Variants in MYT1 observed in about 807,000 individuals in gnomAD.
MYT1 encodes myelin transcription factor I.
In MYT1, 23 loss-of-function variants were observed where a neutral mutation model predicts 123.0. That is an observed-to-expected ratio of 0.19 (90% CI 0.13 to 0.26). The LOEUF (loss-of-function observed/expected upper bound fraction) is 0.26, where lower values mean the gene tolerates loss of function less well. Among genes scored for constraint, MYT1 ranks in the 10% least tolerant of loss-of-function variants. The pLI, the probability that MYT1 is intolerant of heterozygous loss-of-function variation, is 1.00. For synonymous variants in MYT1, 518 were observed against 575.3 expected (o/e 0.90, Z 1.43); for missense variants, 1,125 against 1,472.5 (o/e 0.76, Z 3.86).
intron 1 of MYT1, among the ~76,000 whole-genome samples, chr20:64,177,845 TTCCAAGC>T (rs1482559567): frequency 6.6e-6 from 1 of 152,196 alleles, no homozygotes; most frequent in Non-Finnish European, 1.5e-5. Flanking sequence ...TCATGGAAAT[TTCCAAGC>T]TTGTCAGACT....
intron 19 of MYT1, among the ~76,000 whole-genome samples, chr20:64,234,782 ATGGTCATGGTGTGTGAC>A (rs1984451406): frequency 1.6e-5 from 1 of 64,144 alleles, no homozygotes; most frequent in South Asian, 6.3e-4. Flanking sequence ...TGACCCTGGG[ATGGTCATGGTGTGTGAC>A]CCGGGGCTGG....
In MYT1 at chr20:64,198,900, A is replaced by C; in HGVS notation, c.39A>C (p.Arg13=). The C allele has an allele frequency of 6.2e-7, 1 of 1,614,042 alleles. No homozygotes were observed. The highest frequency in any genetic ancestry group is 8.5e-7 in the Non-Finnish European group (1 of 1,179,986). ...ATGAAGACAAGCGAGCTCGCACCCGATCCAAGGCCCTGCGAGGTGAGTGCC... is the reference window on the plus strand; with the variant it reads ...ATGAAGACAAGCGAGCTCGCACCCGCTCCAAGGCCCTGCGAGGTGAGTGCC... ...LENEDKRART[R]SKALRGPPET... Residue 13 remains arginine, a synonymous_variant, in exon 3 of 23, where the codon CGA becomes CGC. Coordinates refer to ENST00000328439, the MANE Select transcript of MYT1 (RefSeq NM_004535.3).
rs369284426 is a variant in MYT1, at chr20:64,223,183, C to T, written c.2459+10C>T. The T allele has an allele frequency of 3.7e-6, 6 of 1,614,104 alleles. No individual in the cohort carries two copies. In the African/African-American group the frequency reaches 6.7e-5, roughly 18 times the overall value. On this transcript the variant is annotated intron_variant, in intron 15 of 22. Transcript: ENST00000328439. ...ACGCCTCCCACCGCAGGTTTGTCTC[C>T]TGCTCGGGTCCGTCTGGCCTGGGTG...
In MYT1 at chr20:64,227,967, A is replaced by C. The variant is rs751443770; in HGVS notation, c.2671A>C (p.Met891Leu). 2 of 1,613,938 alleles carry C rather than the reference A, an allele frequency of 1.2e-6. No individual in the cohort carries two copies. The highest frequency in any genetic ancestry group is 1.7e-6 in the Non-Finnish European group (2 of 1,179,958). ...TKDDKEDPEL[M>L]KCPVPGCVGL... ...GGACGACAAGGAGGACCCCGAGCTG[A>C]TGAAGTACGTTGGGCCATGCTGGCT... Residue 891 changes from methionine (M) to leucine (L), a missense_variant, in exon 18 of 23, where the codon ATG becomes CTG. Transcript: ENST00000328439.
chr20:64,235,953 C>T (rs1338119345), intron 19 of MYT1, among the ~76,000 whole-genome samples: 20 of 117,802 alleles, frequency 1.7e-4, no homozygotes, highest in Admixed American at 2.6e-4. Context: ...CTGGGCTGGA[C>T]GTGGTGGGTG....
chr20:64,238,600 C>T (rs916641198), intron 21 of MYT1, among the ~76,000 whole-genome samples: 4 of 152,244 alleles, frequency 2.6e-5, no homozygotes, highest in East Asian at 1.9e-4. Context: ...TAGGCAGTGA[C>T]GACAGAGAAG....
intron 19 of MYT1, among the ~76,000 whole-genome samples, chr20:64,233,607 A>G (rs1391504678): frequency 6.7e-6 from 1 of 149,828 alleles, no homozygotes; most frequent in African/African-American, 2.5e-5. Context: ...AAAAAGGACA[A>G]CTACCCCTTA....
At position 64,235,929 on chromosome 20, in the gene MYT1, C is replaced by T. The variant is rs574347171; in HGVS notation, c.2898-626C>T. 1.5e-3 allele frequency among the ~76,000 whole-genome samples: 182 copies of T among 117,960 alleles called. 1 individual carries two copies. The highest frequency in any genetic ancestry group is 5.6e-3 in the African/African-American group (169 of 29,998). The allele number at this position is 117,960 out of a possible 152,430, so 77.4% of individuals were successfully genotyped here. On this transcript the variant is annotated intron_variant, in intron 19 of 22. Coordinates refer to ENST00000328439, the MANE Select transcript of MYT1 (RefSeq NM_004535.3). ...CCGCGGTGGGTGACCCTGGGCTGGC[C>T]GCGGTGGGTGACCCTGGGCTGGACG...
At chr20:64,180,036 T>C (rs1272131917) in intron 1 of MYT1, among the ~76,000 whole-genome samples, 5 of 147,376 alleles carry the variant, frequency 3.4e-5, no homozygotes, top group South Asian at 4.3e-4. Flanking sequence ...TGCAGTTACA[T>C]GCCACACAGT....
At chr20:64,200,701 G>T (rs1167076849) in intron 4 of MYT1, among the ~76,000 whole-genome samples, 3 of 152,212 alleles carry the variant, frequency 2.0e-5, no homozygotes, top group Non-Finnish European at 4.4e-5. Flanking sequence ...GCACTGCCTG[G>T]TGATGTTATT....
chr20:64,169,236 C>T (rs1298710671), intron 1 of MYT1, among the ~76,000 whole-genome samples: 1 of 152,100 alleles, frequency 6.6e-6, no homozygotes, highest in African/African-American at 2.4e-5. Flanking sequence ...CTTTAGAAGG[C>T]CCTAGAAGGT....
rs1984705718 is a variant in MYT1 at position 64,241,138 on chromosome 20, G to C, written c.*690G>C. The C allele has an allele frequency of 6.6e-6, 1 of 152,216 alleles. No homozygotes were observed. The allele number at this position is 152,216 out of a possible 1,614,324, so 9.4% of individuals were successfully genotyped here. On this transcript the variant is annotated 3_prime_UTR_variant, in exon 23 of 23. Transcript: ENST00000328439. The surrounding 1 kb of genome is among the most constrained non-coding windows in gnomAD (Gnocchi z 4.2). Reference sequence around the variant, plus strand: ...GGCTGTGCAGATGTGTATGGCCTTGGGTCACAGCTCCCTACTGGGGCTGCA... The same window carrying C: ...GGCTGTGCAGATGTGTATGGCCTTGCGTCACAGCTCCCTACTGGGGCTGCA...
At chr20:64,188,379 G>T (rs1473173695) in intron 1 of MYT1, among the ~76,000 whole-genome samples, 1 of 152,112 alleles carries the variant, frequency 6.6e-6, no homozygotes, top group Admixed American at 6.5e-5. Context: ...CATATGTAAT[G>T]GTAACAAGGA....
At chr20:64,223,888 A>G (rs1357158868) in intron 16 of MYT1, among the ~76,000 whole-genome samples, 2 of 151,856 alleles carry the variant, frequency 1.3e-5, no homozygotes, top group Admixed American at 6.5e-5. Context: ...CCCCATGCTC[A>G]TGCCTTCTCT....
Position 64,232,533 on chromosome 20 carries a change from G to C in MYT1, c.2897+148G>C. 1 of 743,080 alleles carries C rather than the reference G, an allele frequency of 1.3e-6. No individual in the cohort carries two copies. The highest frequency in any genetic ancestry group is 2.2e-6 in the Non-Finnish European group (1 of 452,690). 46.0% of individuals were successfully genotyped at this position (743,080 alleles called of 1,614,324 possible). On this transcript the variant is annotated intron_variant, in intron 19 of 22. Transcript: ENST00000328439. This position sits in a 1 kb window ranked among gnomAD's most constrained non-coding sequence, Gnocchi z 6.9. ...GAAAGGCCAGGCCACATGGGTAGCG[G>C]ATGGGGGAGGCTAGCGGGTCTGTTG...
At position 64,219,971 on chromosome 20, in the gene MYT1, G is replaced by A. The variant is rs761464588; in HGVS notation, c.2230G>A (p.Glu744Lys). 3 of 1,498,558 alleles carry A rather than the reference G, an allele frequency of 2.0e-6. No individual in the cohort carries two copies. Among genetic ancestry groups the A allele is most frequent in the South Asian group, 1.3e-5 (1 of 76,502 alleles). 92.8% of individuals were successfully genotyped at this position (1,498,558 alleles called of 1,614,324 possible). A position where few individuals can be genotyped will look rare whatever the true frequency, so the allele number is the denominator to read the frequency against. ...YTKPSRLREE[E>K]PEESEPAAHS... ...CAAGCCTAGCCGCCTGAGAGAGGAG[G>A]AACCTGAGGAGGTGGGTGCAGGCGC... The change falls in exon 13 of 23, where the codon GAA becomes AAA. Residue 744 changes from glutamate (E) to lysine (K), a missense_variant. Physicochemically the swap from Glu to Lys is moderately conservative, Grantham distance 56. Around this residue, in one of 4 missense-constraint regions of MYT1, gnomAD observed 429 missense variants for 604.1 expected, o/e 0.71. Coordinates refer to ENST00000328439, the MANE Select transcript of MYT1 (RefSeq NM_004535.3).
rs1178182699 is a variant in MYT1, at chr20:64,232,361, A to C, written c.2873A>C (p.Asn958Thr). The C allele has an allele frequency of 2.5e-6, 4 of 1,612,992 alleles. No individual in the cohort carries two copies. The highest frequency in any genetic ancestry group is 3.4e-6 in the Non-Finnish European group (4 of 1,179,978). The stretch of plus-strand genomic sequence containing the variant: ...GGCTGTGACGGCTCTGGCCACGCCA[A>C]TGGGAGTTTCCTCACCCACCGGAGG... ...TPGCDGSGHA[N>T]GSFLTHRSLS... Residue 958 changes from asparagine (N) to threonine (T), a missense_variant, in exon 19 of 23, where the codon AAT (asparagine) becomes ACT (threonine). Coordinates refer to ENST00000328439, the MANE Select transcript of MYT1 (RefSeq NM_004535.3). The surrounding 1 kb of genome is among the most constrained non-coding windows in gnomAD (Gnocchi z 6.9).
chr20:64,234,481 C>G (rs1300639056), intron 19 of MYT1, among the ~76,000 whole-genome samples: 4 of 152,202 alleles, frequency 2.6e-5, no homozygotes, highest in Non-Finnish European at 5.9e-5. Flanking sequence ...TCTGCCCTGC[C>G]TAGATGTAGC....
chr20:64,233,474 CTCT>C (rs1245205484), intron 19 of MYT1, among the ~76,000 whole-genome samples: 1 of 24,316 alleles, frequency 4.1e-5, no homozygotes, highest in African/African-American at 2.0e-4. Context: ...TCCTCCCCTT[CTCT>C]TCTTTTTCTT....
Sources: allele counts gnomAD v4.1 joint callset (sites outside exome capture counted in the v4.1 genomes callset), GRCh38; gene constraint gnomAD v4.1.1; regional missense constraint gnomAD v4.1.1; non-coding constraint Gnocchi (gnomAD v3.1); transcripts MANE v1.5; gene names NCBI Gene and HGNC (gene_info 2026-07-23, HGNC 2026-07-21).